Variants in RABEP1 observed in about 807,000 individuals in gnomAD.
The protein encoded by RABEP1 is rabaptin, RAB GTPase binding effector protein 1.
Under a neutral mutation model 123.4 loss-of-function variants are expected in RABEP1, and 51 were observed. The ratio of observed to expected loss-of-function variants is 0.41; its 90% CI spans 0.33 to 0.52. RABEP1 has a LOEUF of 0.52. Among genes scored for constraint, RABEP1 ranks in the 20% least tolerant of loss-of-function variants. RABEP1 has a pLI of 0.16. For missense variants in RABEP1, 888 were observed against 996.3 expected (o/e 0.89, Z 1.46); for synonymous variants, 347 against 355.2 (o/e 0.98, Z 0.26).
chr17:5,345,324 GGTTT>G (rs1389296153), intron 5 of RABEP1, among the ~76,000 whole-genome samples: 10 of 152,044 alleles, frequency 6.6e-5, no homozygotes, highest in Non-Finnish European at 1.0e-4. Context: ...GGCTTTCAGT[GGTTT>G]GTTTGTACCC....
rs954020636 is a variant in RABEP1, at chr17:5,386,148, A to G, written c.*2925A>G. ...ATTAGATAATTCTACCTGTTTTACA[A>G]TATGGGTTTAAGCCTTCAATGGTGT... On this transcript the variant is annotated 3_prime_UTR_variant, in exon 18 of 18. Transcript: ENST00000537505. The G allele has an allele frequency of 1.1e-5, 14 of 1,284,986 alleles. No homozygotes were observed. Among genetic ancestry groups the G allele is most frequent in the South Asian group, 2.7e-5 (2 of 75,110 alleles). The allele number at this position is 1,284,986 out of a possible 1,614,324, so 79.6% of individuals were successfully genotyped here. A position where few individuals can be genotyped will look rare whatever the true frequency, so the allele number is the denominator to read the frequency against.
At chr17:5,377,652 G>A (rs895028459) in intron 14 of RABEP1, among the ~76,000 whole-genome samples, 1 of 150,130 alleles carries the variant, frequency 6.7e-6, no homozygotes, top group Non-Finnish European at 1.5e-5. Flanking sequence ...TCAGCCTCCC[G>A]AGTAGCTGGG....
chr17:5,360,419 G>A (rs1032564484), intron 8 of RABEP1, among the ~76,000 whole-genome samples: 1 of 152,184 alleles, frequency 6.6e-6, no homozygotes, highest in Non-Finnish European at 1.5e-5. Context: ...AACATTAGCC[G>A]GGCGAGGTGG....
chr17:5,315,293 T>C (rs1312055328), intron 2 of RABEP1, among the ~76,000 whole-genome samples: 1 of 152,206 alleles, frequency 6.6e-6, no homozygotes, highest in Non-Finnish European at 1.5e-5. Flanking sequence ...CTAATAGATT[T>C]AACCAGTAGA....
At chr17:5,339,394 G>A (rs1456874360) in intron 5 of RABEP1, among the ~76,000 whole-genome samples, 2 of 151,628 alleles carry the variant, frequency 1.3e-5, no homozygotes, top group African/African-American at 2.4e-5. Context: ...CTGTGGTCCC[G>A]GCTACTTGAG....
At chr17:5,368,289 C>CTA in intron 11 of RABEP1, 81 bp from the exon 12 acceptor site, 1 of 984,420 alleles carries the variant, frequency 1.0e-6, no homozygotes, top group Non-Finnish European at 1.6e-6. Context: ...ATTCCAGACA[C>CTA]TAAATAGTTA....
chr17:5,369,708 T>A lies in RABEP1; in HGVS notation c.1884+1240T>A, dbSNP rs184223642. ...TCTTTTTCCTTCTTGTCTTTTTTTTTTTCTTTTTTGAGACAGAGTTCTGCT... is the reference window on the plus strand; with the variant it reads ...TCTTTTTCCTTCTTGTCTTTTTTTTATTCTTTTTTGAGACAGAGTTCTGCT... On this transcript the variant is annotated intron_variant, in intron 12 of 17. Coordinates refer to ENST00000537505, the MANE Select transcript of RABEP1 (RefSeq NM_004703.6). Among the ~76,000 whole-genome samples, 1,137 of 152,234 alleles carry A rather than the reference T, an allele frequency of 7.5e-3. 3 individuals carry two copies. Among genetic ancestry groups the A allele is most frequent in the Middle Eastern group, 0.014 (4 of 294 alleles).
Position 5,334,061 on chromosome 17 carries a change from T to G in RABEP1, c.368-1123T>G, listed in dbSNP as rs1439138321. Among the ~76,000 whole-genome samples, 3 of 151,972 alleles carry G rather than the reference T, an allele frequency of 2.0e-5. No homozygotes were observed. In the East Asian group the frequency reaches 5.8e-4, roughly 29 times the overall value. On this transcript the variant is annotated intron_variant, in intron 3 of 17. Coordinates refer to ENST00000537505, the MANE Select transcript of RABEP1 (RefSeq NM_004703.6). ...TCTGTTACCTAGTGGTTTTTTTTTT[T>G]TTTTTTGAGATACTTAGGCTTGAGT...
intron 2 of RABEP1, among the ~76,000 whole-genome samples, chr17:5,330,488 T>C (rs577195978): frequency 6.6e-6 from 1 of 152,216 alleles, no homozygotes; most frequent in Non-Finnish European, 1.5e-5. Flanking sequence ...TGGATTTTTA[T>C]AAGTAGTTAG....
At chr17:5,330,985 C>G (rs1906480591) in intron 2 of RABEP1, among the ~76,000 whole-genome samples, 1 of 148,568 alleles carries the variant, frequency 6.7e-6, no homozygotes, top group African/African-American at 2.5e-5. Flanking sequence ...GTTTGCGTCA[C>G]TGCACTCCAG....
intron 2 of RABEP1, among the ~76,000 whole-genome samples, chr17:5,315,062 A>G (rs983574413): frequency 2.0e-5 from 3 of 152,234 alleles, no homozygotes; most frequent in African/African-American, 4.8e-5. Flanking sequence ...GAAATTTTCT[A>G]CTGGTGTTCA....
intron 1 of RABEP1, 74 bp downstream of exon 1, chr17:5,282,594 G>C (rs2074936380): frequency 9.6e-7 from 1 of 1,040,654 alleles, no homozygotes; most frequent in Non-Finnish European, 1.2e-6. Flanking sequence ...ATTTCGGGGC[G>C]GGCAGGCGGC....
chr17:5,292,128 TTTC>T (rs938142319), intron 1 of RABEP1, among the ~76,000 whole-genome samples: 8 of 152,314 alleles, frequency 5.3e-5, no homozygotes, highest in South Asian at 2.1e-4. Flanking sequence ...CTAGTTTACA[TTTC>T]TTCTTCTTAG....
chr17:5,336,666 TAATA>T (rs964313711), intron 4 of RABEP1: 1 of 288,418 alleles, frequency 3.5e-6, no homozygotes, highest in African/African-American at 2.3e-5. Context: ...ATATTTATAT[TAATA>T]AATAACTTGA....
chr17:5,310,301 C>CTTTTTTTTTTTTTTTTTTT lies in RABEP1; in HGVS notation c.163+1497_163+1498insTTTTTTTTTTTTTTTTTTT, dbSNP rs11432831. Among the ~76,000 whole-genome samples the CTTTTTTTTTTTTTTTTTTT allele has an allele frequency of 1.2e-3, 155 of 126,398 alleles. 18 individuals are homozygous for CTTTTTTTTTTTTTTTTTTT. The Middle Eastern group carries it at 0.013, about 11-fold the overall frequency. 82.9% of individuals were successfully genotyped at this position (126,398 alleles called of 152,430 possible). On this transcript the variant is annotated intron_variant, in intron 2 of 17. Coordinates refer to ENST00000537505, the MANE Select transcript of RABEP1 (RefSeq NM_004703.6). ...TTACAATTTAAATGAAAGCTTCGTC[C>CTTTTTTTTTTTTTTTTTTT]TTTTTTTTTTTTTTTTTTGAGATGG... is the stretch of plus-strand genomic sequence containing the variant.
At position 5,365,058 on chromosome 17, in the gene RABEP1, AT is replaced by A. The variant is rs200637963; in HGVS notation, c.1669-61del. The A allele has an allele frequency of 1.9e-3, 1,883 of 986,060 alleles. 22 individuals carry two copies. In the African/African-American group the frequency reaches 0.044, roughly 23 times the overall value. The allele number at this position is 986,060 out of a possible 1,614,324, so 61.1% of individuals were successfully genotyped here. A position where few individuals can be genotyped will look rare whatever the true frequency, so the allele number is the denominator to read the frequency against. ...TTTTTTTTTAAAATTCTGGAGTTAG[AT>A]TTAAAAAAAAAAAAATTATAAAAGG... On this transcript the variant is annotated intron_variant, in intron 10 of 17. Coordinates refer to ENST00000537505, the MANE Select transcript of RABEP1 (RefSeq NM_004703.6).
intron 13 of RABEP1, among the ~76,000 whole-genome samples, chr17:5,375,069 G>A (rs1381833061): frequency 6.6e-6 from 1 of 151,100 alleles, no homozygotes; most frequent in African/African-American, 2.4e-5. Context: ...GAGACACCGT[G>A]CCTGTCCTAT....
intron 3 of RABEP1, among the ~76,000 whole-genome samples, chr17:5,334,647 T>C (rs1906888873): frequency 6.6e-6 from 1 of 152,192 alleles, no homozygotes; most frequent in Non-Finnish European, 1.5e-5. Flanking sequence ...TACAGGTGTG[T>C]GTGAGCCACT....
At chr17:5,316,651 G>A (rs1175306008) in intron 2 of RABEP1, among the ~76,000 whole-genome samples, 1 of 150,972 alleles carries the variant, frequency 6.6e-6, no homozygotes, top group Admixed American at 6.6e-5. Context: ...TGGCCATCGT[G>A]GTGAAACCCC....
Sources: allele counts gnomAD v4.1 joint callset (sites outside exome capture counted in the v4.1 genomes callset), GRCh38; gene constraint gnomAD v4.1.1; transcripts MANE v1.5; gene names NCBI Gene and HGNC (gene_info 2026-07-23, HGNC 2026-07-21).